The following ZMAT4 variants were observed in gnomAD, a reference collection of about 807,000 sequenced individuals.
ZMAT4 encodes the protein zinc finger matrin-type 4.
In ZMAT4, 17 loss-of-function variants were observed where a neutral mutation model predicts 28.7. The ratio of observed to expected loss-of-function variants is 0.59; its 90% confidence interval spans 0.41 to 0.89. The LOEUF (loss-of-function observed/expected upper bound fraction) is 0.89, where lower values mean the gene tolerates loss of function less well. Among genes scored for constraint, ZMAT4 ranks in the 40% least tolerant of loss-of-function variants. ZMAT4 has a pLI of 0.00. For synonymous variants in ZMAT4, 117 were observed against 109.2 expected, an observed-to-expected ratio of 1.07 and a Z score of -0.44; for missense variants, 240 against 283.8, an observed-to-expected ratio of 0.85 and a Z score of 1.11.
intron 2 of ZMAT4, among the ~76,000 whole-genome samples, chr8:40,802,558 A>G (rs1332304806): frequency 6.6e-6 from 1 of 152,150 alleles, no homozygotes; most frequent in Non-Finnish European, 1.5e-5. Flanking sequence ...GAAGAAAATC[A>G]AAGATGAACT....
At chr8:40,726,375 A>T (rs1311103417) in intron 3 of ZMAT4, among the ~76,000 whole-genome samples, 1 of 152,236 alleles carries the variant, frequency 6.6e-6, no homozygotes, top group African/African-American at 2.4e-5. Context: ...AACATTGGTT[A>T]TTCAGTAACT....
At chr8:40,551,658 A>G (rs1047556859) in intron 6 of ZMAT4, among the ~76,000 whole-genome samples, 1 of 152,324 alleles carries the variant, frequency 6.6e-6, no homozygotes, top group Middle Eastern at 3.4e-3. Flanking sequence ...CATTGTTACA[A>G]TAAACCTCTG....
intron 1 of ZMAT4, among the ~76,000 whole-genome samples, chr8:40,846,055 G>A (rs1226713900): frequency 6.6e-6 from 1 of 152,140 alleles, no homozygotes; most frequent in Admixed American, 6.5e-5. Flanking sequence ...CAAGGTATTA[G>A]GAGAGACAGC....
intron 2 of ZMAT4, among the ~76,000 whole-genome samples, chr8:40,808,901 A>C (rs1353468448): frequency 6.6e-6 from 1 of 152,134 alleles, no homozygotes; most frequent in African/African-American, 2.4e-5. Flanking sequence ...AGACACAGAA[A>C]GGATAAAAAG....
chr8:40,702,367 TA>T (rs1810186056), intron 3 of ZMAT4, among the ~76,000 whole-genome samples: 1 of 152,214 alleles, frequency 6.6e-6, no homozygotes, highest in African/African-American at 2.4e-5. Context: ...GTTTCTGGCT[TA>T]AAGATTATCT....
At chr8:40,620,442 C>T (rs528623241) in intron 5 of ZMAT4, among the ~76,000 whole-genome samples, 34 of 152,170 alleles carry the variant, frequency 2.2e-4, no homozygotes, top group Non-Finnish European at 3.7e-4. Flanking sequence ...GATCTGTTAA[C>T]CTGATTAATA....
intron 5 of ZMAT4, among the ~76,000 whole-genome samples, chr8:40,625,033 TGAG>T (rs1242956577): frequency 6.6e-6 from 1 of 152,196 alleles, no homozygotes; most frequent in African/African-American, 2.4e-5. Context: ...TCCAGAGTGT[TGAG>T]AAGGCTCTCT....
At chr8:40,831,255 C>T (rs1235471728) in intron 1 of ZMAT4, among the ~76,000 whole-genome samples, 2 of 152,204 alleles carry the variant, frequency 1.3e-5, no homozygotes, top group Non-Finnish European at 2.9e-5. Context: ...AGACCCCGTA[C>T]TGCATAAACA....
At chr8:40,632,924 G>A (rs1231950393) in intron 5 of ZMAT4, among the ~76,000 whole-genome samples, 1 of 152,122 alleles carries the variant, frequency 6.6e-6, no homozygotes, top group Non-Finnish European at 1.5e-5. Context: ...TTTAATTTCA[G>A]TTAAAGGAGA....
chr8:40,832,603 T>C (rs950546006), intron 1 of ZMAT4, among the ~76,000 whole-genome samples: 22 of 152,148 alleles, frequency 1.4e-4, no homozygotes, highest in African/African-American at 4.6e-4. Flanking sequence ...GCTGACCAGC[T>C]CACCAGCTCC....
intron 1 of ZMAT4, among the ~76,000 whole-genome samples, chr8:40,876,927 C>T (rs927764161): frequency 6.6e-6 from 1 of 152,140 alleles, no homozygotes; most frequent in Non-Finnish European, 1.5e-5. Flanking sequence ...ACCTAAAAGA[C>T]TCTTGTTACA....
chr8:40,697,569 T>C (rs1196934995), intron 3 of ZMAT4, among the ~76,000 whole-genome samples, 168 bp from the exon 4 acceptor site: 1 of 152,108 alleles, frequency 6.6e-6, no homozygotes, highest in Non-Finnish European at 1.5e-5. Flanking sequence ...TAAAAAATTT[T>C]TTTATTATAC....
chr8:40,660,094 A>G (rs1808118821), intron 5 of ZMAT4, among the ~76,000 whole-genome samples: 1 of 152,104 alleles, frequency 6.6e-6, no homozygotes, highest in Non-Finnish European at 1.5e-5. Context: ...TAAACATATT[A>G]TTTGTCATAC....
In ZMAT4 at chr8:40,732,235, T is replaced by C. The variant is rs181243355; in HGVS notation, c.193-34834A>G. ...CGGTAAATTTTATGTATACATGTTTTACCCCAATTTTTAAAAATTGGGAAA... is the reference window on the plus strand; with the variant it reads ...CGGTAAATTTTATGTATACATGTTTCACCCCAATTTTTAAAAATTGGGAAA... On this transcript the variant is annotated intron_variant, in intron 3 of 6. Transcript: ENST00000297737. 1.5e-3 allele frequency among the ~76,000 whole-genome samples: 232 copies of C among 152,276 alleles called. 3 individuals are homozygous for C. The highest frequency in any genetic ancestry group is 5.3e-3 in the African/African-American group (220 of 41,552).
rs57458575 is a variant in ZMAT4, at chr8:40,833,540, C to CAAAAAAAAAAAAAAAAAAAAAA, written c.-4-7861_-4-7860insTTTTTTTTTTTTTTTTTTTTTT. Among the ~76,000 whole-genome samples, 166 of 87,036 alleles carry CAAAAAAAAAAAAAAAAAAAAAA rather than the reference C, an allele frequency of 1.9e-3. 5 individuals carry two copies. The highest frequency in any genetic ancestry group is 6.8e-3 in the Middle Eastern group (1 of 148). The allele number at this position is 87,036 out of a possible 152,430, so 57.1% of individuals were successfully genotyped here. A position where few individuals can be genotyped will look rare whatever the true frequency, so the allele number is the denominator to read the frequency against. On this transcript the variant is annotated intron_variant, in intron 1 of 6. Transcript: ENST00000297737. ...CCGAGATCATACCACTACACTCCAG[C>CAAAAAAAAAAAAAAAAAAAAAA]AAAAAAAAAAAAAAAAAAGACATGA...
chr8:40,742,050 A>G (rs1479175717), intron 3 of ZMAT4, among the ~76,000 whole-genome samples: 1 of 151,166 alleles, frequency 6.6e-6, no homozygotes, highest in African/African-American at 2.4e-5. Flanking sequence ...ACCAGCCTGG[A>G]CAACATGGCA....
intron 5 of ZMAT4, among the ~76,000 whole-genome samples, chr8:40,600,626 A>T (rs918798588): frequency 1.3e-5 from 2 of 152,196 alleles, no homozygotes; most frequent in Non-Finnish European, 2.9e-5. Flanking sequence ...ACTTGCTATA[A>T]TCTGATCTTG....
chr8:40,795,073 C>T (rs1814530454), intron 2 of ZMAT4, among the ~76,000 whole-genome samples: 1 of 152,126 alleles, frequency 6.6e-6, no homozygotes, highest in Non-Finnish European at 1.5e-5. Context: ...TTACCAATGT[C>T]TCATCAGCAA....
intron 2 of ZMAT4, among the ~76,000 whole-genome samples, chr8:40,821,580 G>A (rs1815831377): frequency 6.6e-6 from 1 of 152,116 alleles, no homozygotes; most frequent in South Asian, 2.1e-4. Context: ...CTCGTGCAAA[G>A]GTTCAGCCTT....
Sources: allele counts gnomAD v4.1 joint callset (sites outside exome capture counted in the v4.1 genomes callset), GRCh38; gene constraint gnomAD v4.1.1; transcripts MANE v1.5; gene names NCBI Gene and HGNC (gene_info 2026-07-23, HGNC 2026-07-21).